Variants in DPP9 observed in about 807,000 individuals in gnomAD.
DPP9 encodes dipeptidyl peptidase 9, also known as dipeptidyl peptidase IV-related protein-2.
A neutral mutation model predicts 110.7 loss-of-function variants in DPP9; 50 were observed. That is an observed-to-expected ratio of 0.45 (90% CI 0.36 to 0.57). DPP9 has a LOEUF of 0.57. Ranked by LOEUF, DPP9 falls within the 20% of genes least tolerant of loss-of-function variation. The pLI, the probability that DPP9 is intolerant of heterozygous loss-of-function variation, is 0.00. For missense variants in DPP9, 1,022 were observed against 1,217.9 expected (o/e 0.84, Z 2.39); for synonymous variants, 561 against 514.4 (o/e 1.09, Z -1.23).
chr19:4,706,087 G>A (rs758501198), intron 4 of DPP9, 117 bp from the exon 5 acceptor site: 10 of 868,880 alleles, frequency 1.2e-5, no homozygotes, highest in Admixed American at 2.8e-5. Context: ...CTGCCAGGCC[G>A]CCGGCGGGAC....
At chr19:4,717,864 C>G (rs1413340295) in intron 3 of DPP9, 4 of 152,224 alleles carry the variant, frequency 2.6e-5, no homozygotes, top group African/African-American at 9.7e-5. Flanking sequence ...CTGTGATGGG[C>G]TTTCTCCACC....
rs1490029974 is a variant in DPP9, at chr19:4,714,355, A to G, written c.57-18T>C. On this transcript the variant is annotated intron_variant, in intron 3 of 21. Coordinates refer to ENST00000262960, the MANE Select transcript of DPP9 (RefSeq NM_139159.5). ...GCGAGAAGCTGCGGGGAGGAAGCAA[A>G]GACTATGAGAAAGGAGAACTGTTTT... is the stretch of plus-strand genomic sequence containing the variant. The G allele has an allele frequency of 3.4e-6, 5 of 1,473,454 alleles. No homozygotes were observed. In the African/African-American group the frequency reaches 5.7e-5, roughly 17 times the overall value. 91.3% of individuals were successfully genotyped at this position (1,473,454 alleles called of 1,614,324 possible).
intron 3 of DPP9, among the ~76,000 whole-genome samples, chr19:4,716,375 T>C (rs765999974): frequency 7.9e-5 from 12 of 152,282 alleles, no homozygotes; most frequent in Non-Finnish European, 1.2e-4. Flanking sequence ...CAGTGGCTCA[T>C]GCCTGTAATC....
intron 13 of DPP9, among the ~76,000 whole-genome samples, chr19:4,692,717 C>T (rs1346875784): frequency 1.3e-5 from 2 of 152,142 alleles, no homozygotes; most frequent in Admixed American, 6.6e-5. Context: ...AACGTGAGCA[C>T]TCGGGCTGGC....
In DPP9 at chr19:4,684,555, C is replaced by T; in HGVS notation, c.2178+108G>A. ...CCTGCGTCACCCCAGCCAGAAGTGC[C>T]CTTCTGCGGGTGGTATTCCAGAGCC... On this transcript the variant is annotated intron_variant, in intron 18 of 21. Coordinates refer to ENST00000262960, the MANE Select transcript of DPP9 (RefSeq NM_139159.5). The surrounding 1 kb of genome is among the most constrained non-coding windows in gnomAD (Gnocchi z 4.8). The T allele has an allele frequency of 3.0e-6, 4 of 1,318,272 alleles. No homozygotes were observed. The highest frequency in any genetic ancestry group is 4.2e-6 in the Non-Finnish European group (4 of 961,064). The allele number at this position is 1,318,272 out of a possible 1,614,324, so 81.7% of individuals were successfully genotyped here.
intron 21 of DPP9, among the ~76,000 whole-genome samples, chr19:4,677,429 T>C (rs2089023149): frequency 6.6e-6 from 1 of 152,170 alleles, no homozygotes; most frequent in African/African-American, 2.4e-5. Flanking sequence ...CGCCACCTCC[T>C]GCCAGTGAGA....
At chr19:4,705,645 G>C (rs980093018) in intron 5 of DPP9, among the ~76,000 whole-genome samples, 3 of 152,266 alleles carry the variant, frequency 2.0e-5, no homozygotes, top group Non-Finnish European at 2.9e-5. Flanking sequence ...TTAAAAGGAA[G>C]AGATGCTTTT....
At chr19:4,688,629 C>T (rs1160299417) in intron 16 of DPP9, 128 bp downstream of exon 16, 22 of 1,179,622 alleles carry the variant, frequency 1.9e-5, no homozygotes, top group Non-Finnish European at 2.3e-5. Context: ...CTTGGAGGGG[C>T]CTGGGTGCTG....
chr19:4,697,407 T>C (rs1234659021), intron 11 of DPP9, 144 bp downstream of exon 11: 2 of 663,866 alleles, frequency 3.0e-6, no homozygotes, highest in African/African-American at 3.6e-5. Flanking sequence ...GACACTGGTC[T>C]GAGGCCTGTC....
At chr19:4,688,709 C>G (rs745748684) in intron 16 of DPP9, 48 bp downstream of exon 16, 1 of 1,378,316 alleles carries the variant, frequency 7.3e-7, no homozygotes, top group Non-Finnish European at 9.3e-7. Context: ...TCCCGTTTTA[C>G]AGCCGGGCGG....
rs1777611770 is a variant in DPP9 at position 4,693,904 on chromosome 19, C to A, written c.1516+757G>T. On this transcript the variant is annotated intron_variant, in intron 13 of 21. Transcript: ENST00000262960. The surrounding 1 kb of genome is among the most constrained non-coding windows in gnomAD (Gnocchi z 5.0). ...CTCCAACATGCCAGGAACAGTCCTG[C>A]CTGCCCCAGGGCCTTTGTACGGGCT... Among the ~76,000 whole-genome samples the A allele has an allele frequency of 6.6e-6, 1 of 152,088 alleles. No individual in the cohort carries two copies. The highest frequency in any genetic ancestry group is 1.5e-5 in the Non-Finnish European group (1 of 67,982).
chr19:4,676,280 C>T lies in DPP9; in HGVS notation c.*284G>A, dbSNP rs1015195095. On this transcript the variant is annotated 3_prime_UTR_variant, in exon 22 of 22. Coordinates refer to ENST00000262960, the MANE Select transcript of DPP9 (RefSeq NM_139159.5). The surrounding 1 kb of genome is among the most constrained non-coding windows in gnomAD (Gnocchi z 4.0). ...TTCTGGCCTCTCCAGTGCCCATCAGCGTGTGACCTCCTCCTCCCAGAAGGC... is the reference window on the plus strand; with the variant it reads ...TTCTGGCCTCTCCAGTGCCCATCAGTGTGTGACCTCCTCCTCCCAGAAGGC... 1 of 477,096 alleles carries T rather than the reference C, an allele frequency of 2.1e-6. No individual in the cohort carries two copies. Among genetic ancestry groups the T allele is most frequent in the Admixed American group, 3.4e-5 (1 of 29,666 alleles). 29.6% of individuals were successfully genotyped at this position (477,096 alleles called of 1,614,324 possible). A position where few individuals can be genotyped will look rare whatever the true frequency, so the allele number is the denominator to read the frequency against.
intron 21 of DPP9, among the ~76,000 whole-genome samples, chr19:4,678,302 G>A (rs1192935660): frequency 1.3e-5 from 2 of 151,722 alleles, no homozygotes; most frequent in Non-Finnish European, 2.9e-5. Context: ...TAGTAGAGAC[G>A]GAGCTTTGCC....
Position 4,704,300 on chromosome 19 carries a change from G to C in DPP9, c.431C>G (p.Thr144Arg), listed in dbSNP as rs994294799. 1.9e-6 allele frequency: 3 copies of C among 1,611,940 alleles called. No individual in the cohort carries two copies. Among genetic ancestry groups the C allele is most frequent in the Non-Finnish European group, 2.5e-6 (3 of 1,179,724 alleles). The change falls in exon 6 of 22, where the codon ACG (threonine) becomes AGG (arginine). Residue 144 changes from threonine (T) to arginine (R), a missense_variant. Thr to Arg is a moderately conservative substitution (Grantham distance 71, BLOSUM62 -1). Coordinates refer to ENST00000262960, the MANE Select transcript of DPP9 (RefSeq NM_139159.5). The surrounding 1 kb of genome is among the most constrained non-coding windows in gnomAD (Gnocchi z 6.0). The stretch of plus-strand genomic sequence containing the variant: ...CCGAGAGTAGACCCCATGGTGGGGC[G>C]TGGCCTGGAAACATACAGGGGACAG... ...WKQMLDHFQA[T>R]PHHGVYSREE...
chr19:4,711,405 T>C (rs1037360760), intron 4 of DPP9, among the ~76,000 whole-genome samples: 1 of 152,026 alleles, frequency 6.6e-6, no homozygotes, highest in African/African-American at 2.4e-5. Context: ...CGGCTGGGAT[T>C]AAGTGAAGGC....
rs2088837089 is a variant in DPP9, at chr19:4,676,438, CTGGCCAGCGCTGGGCG to C, written c.*110_*125del. The stretch of plus-strand genomic sequence containing the variant: ...CGGTGAAGGCAGCGGCTCCTCGGGG[CTGGCCAGCGCTGGGCG>C]GGACAAAGTGCCTCACTGGGGCCCG... On this transcript the variant is annotated 3_prime_UTR_variant, in exon 22 of 22. Coordinates refer to ENST00000262960, the MANE Select transcript of DPP9 (RefSeq NM_139159.5). This position sits in a 1 kb window ranked among gnomAD's most constrained non-coding sequence, Gnocchi z 4.0. 9 of 789,428 alleles carry C rather than the reference CTGGCCAGCGCTGGGCG, an allele frequency of 1.1e-5. No homozygotes were observed. Among genetic ancestry groups the C allele is most frequent in the Non-Finnish European group, 1.7e-5 (8 of 474,138 alleles). The allele number at this position is 789,428 out of a possible 1,614,324, so 48.9% of individuals were successfully genotyped here.
At chr19:4,690,011 GC>G (rs975086903) in intron 14 of DPP9, among the ~76,000 whole-genome samples, 17 of 152,338 alleles carry the variant, frequency 1.1e-4, no homozygotes, top group Admixed American at 4.6e-4. Flanking sequence ...AATTGGGAGG[GC>G]CCACCAGAGC....
rs974756264 is a variant in DPP9 at position 4,689,942 on chromosome 19, T to C, written c.1597-220A>G. Among the ~76,000 whole-genome samples, 5 of 152,192 alleles carry C rather than the reference T, an allele frequency of 3.3e-5. No homozygotes were observed. The highest frequency in any genetic ancestry group is 1.2e-4 in the African/African-American group (5 of 41,446). On this transcript the variant is annotated intron_variant, in intron 14 of 21. Transcript: ENST00000262960. This position sits in a 1 kb window ranked among gnomAD's most constrained non-coding sequence, Gnocchi z 7.0. ...GCCCCTGGTCGAGCTGGGAACTGCG[T>C]GTCCTCAGGCGGGACCTGGGGCCTG...
chr19:4,713,707 C>T (rs778695017), intron 4 of DPP9, among the ~76,000 whole-genome samples: 62 of 152,338 alleles, frequency 4.1e-4, no homozygotes, highest in Middle Eastern at 3.4e-3. Flanking sequence ...GTCACGAGCC[C>T]CACCCAGCCC....
Sources: gnomAD v4.1 joint callset for allele counts (sites outside exome capture counted in the v4.1 genomes callset) on GRCh38, gnomAD v4.1.1 for gene constraint, Gnocchi (gnomAD v3.1) non-coding constraint, MANE v1.5 for transcripts, NCBI Gene and HGNC (gene_info 2026-07-23, HGNC 2026-07-21) for gene names.